RBL1: variants seen among roughly 807,000 people sequenced by gnomAD.
RBL1 encodes the protein retinoblastoma-like protein 1.
A neutral mutation model predicts 123.0 loss-of-function variants in RBL1; 82 were observed. The ratio of observed to expected loss-of-function variants is 0.67; its 90% confidence interval spans 0.56 to 0.80. RBL1 has a LOEUF of 0.80. Among genes scored for constraint, RBL1 ranks in the 30% least tolerant of loss-of-function variants. RBL1 has a pLI of 0.00. For synonymous variants in RBL1, 405 were observed against 441.3 expected, an observed-to-expected ratio of 0.92 and a Z score of 1.03; for missense variants, 1,171 against 1,299.6, an observed-to-expected ratio of 0.90 and a Z score of 1.52.
chr20:37,054,728 G>A (rs1222025503), intron 11 of RBL1, among the ~76,000 whole-genome samples: 1 of 151,604 alleles, frequency 6.6e-6, no homozygotes, highest in Non-Finnish European at 1.5e-5. Context: ...TACTCAAGAG[G>A]CTGAGGCATA....
At chr20:37,060,716 GA>G (rs2065079870) in intron 9 of RBL1, among the ~76,000 whole-genome samples, 1 of 151,926 alleles carries the variant, frequency 6.6e-6, no homozygotes, top group South Asian at 2.1e-4. Context: ...CCAGGAGGTG[GA>G]GGCTGCAGTG....
Position 37,068,100 on chromosome 20 carries a change from T to C in RBL1, c.377A>G (p.Glu126Gly), listed in dbSNP as rs1011827547. Reference protein sequence around the residue: ...QEFRERIERLERNFEVSTVIF... With the variant: ...QEFRERIERLGRNFEVSTVIF... ...TACAGTAGACACCTCAAAATTTCTC[T>C]CTAGCCTTTCTATACGTTCACGAAA... is the stretch of plus-strand genomic sequence containing the variant. The change falls in exon 3 of 22, where the codon GAG becomes GGG. Residue 126 changes from glutamate to glycine, a missense_variant. Coordinates refer to ENST00000373664, the MANE Select transcript of RBL1 (RefSeq NM_002895.5). 3 of 1,613,714 alleles carry C rather than the reference T, an allele frequency of 1.9e-6. No homozygotes were observed. The highest frequency in any genetic ancestry group is 2.5e-6 in the Non-Finnish European group (3 of 1,179,922).
chr20:37,052,457 G>A (rs747118711), intron 11 of RBL1, among the ~76,000 whole-genome samples: 64 of 152,130 alleles, frequency 4.2e-4, no homozygotes, highest in Non-Finnish European at 6.2e-4. Context: ...TCAGCCTCCC[G>A]AGTAGCTGGG....
chr20:37,067,388 A>C, intron 3 of RBL1, 91 bp from the exon 4 acceptor site: 1 of 975,040 alleles, frequency 1.0e-6, no homozygotes, highest in Admixed American at 3.1e-5. Flanking sequence ...AATAGATCAA[A>C]TTACACATGA....
At chr20:37,005,848 G>C (rs1600443444) in intron 20 of RBL1, among the ~76,000 whole-genome samples, 1 of 151,340 alleles carries the variant, frequency 6.6e-6, no homozygotes, top group African/African-American at 2.4e-5. Flanking sequence ...TTGGCTGTCC[G>C]GCTGCAGCTT....
rs2065603043 is a variant in RBL1, at chr20:37,089,040, A to G, written c.239T>C (p.Met80Thr). The change falls in exon 2 of 22, where the codon ATG becomes ACG. Residue 80 changes from methionine (M) to threonine (T), a missense_variant. By Grantham distance (81) the Met-to-Thr change is moderately conservative. Coordinates refer to ENST00000373664, the MANE Select transcript of RBL1 (RefSeq NM_002895.5). The stretch of plus-strand genomic sequence containing the variant: ...GGTAAGTGAAACACAGTTGCCTTCC[A>G]TGATACCCTTTCCAACCGTGGGAAT... ...SIIPTVGKGI[M>T]EGNCVSLTRI... 6.2e-7 allele frequency: 1 copy of G among 1,612,960 alleles called. No individual in the cohort carries two copies. The highest frequency in any genetic ancestry group is 8.5e-7 in the Non-Finnish European group (1 of 1,179,386).
chr20:37,040,008 C>G, intron 14 of RBL1, 145 bp downstream of exon 14: 1 of 985,204 alleles, frequency 1.0e-6, no homozygotes, highest in Non-Finnish European at 1.5e-6. Flanking sequence ...CACAGGGGTG[C>G]TGGCACAAGC....
At chr20:37,093,253 C>G (rs1387489130) in intron 1 of RBL1, among the ~76,000 whole-genome samples, 1 of 151,796 alleles carries the variant, frequency 6.6e-6, no homozygotes, top group Non-Finnish European at 1.5e-5. Flanking sequence ...AATGACTACT[C>G]CAAATACCTT....
intron 7 of RBL1, among the ~76,000 whole-genome samples, 164 bp from the exon 8 acceptor site, chr20:37,062,434 A>AT (rs2065111349): frequency 6.6e-6 from 1 of 152,184 alleles, no homozygotes; most frequent in Non-Finnish European, 1.5e-5. Flanking sequence ...GATTATGGAC[A>AT]TTCTTCAAAT....
At chr20:37,034,036 T>C (rs377551147) in intron 15 of RBL1, among the ~76,000 whole-genome samples, 21 of 151,688 alleles carry the variant, frequency 1.4e-4, no homozygotes, top group Admixed American at 3.3e-4. Flanking sequence ...ATTCCTGGGC[T>C]CAAGTGATTC....
chr20:37,089,004 C>T lies in RBL1; in HGVS notation c.275G>A (p.Arg92His), dbSNP rs770504413. The T allele has an allele frequency of 3.1e-6, 5 of 1,595,502 alleles. No homozygotes were observed. The highest frequency in any genetic ancestry group is 4.3e-6 in the Non-Finnish European group (5 of 1,170,428). ...AGAGGTTTACCTTAATTTAGCTGAA[C>T]GTAGTATTCTGGTAAGTGAAACACA... ...GNCVSLTRIL[R>H]SAKLSLIQFF... The change falls in exon 2 of 22, where the codon CGT becomes CAT. Residue 92 changes from arginine to histidine, a missense_variant. By Grantham distance (29) the Arg-to-His change is conservative. Coordinates refer to ENST00000373664, the MANE Select transcript of RBL1 (RefSeq NM_002895.5).
At chr20:37,091,560 G>A (rs2065646958) in intron 1 of RBL1, among the ~76,000 whole-genome samples, 1 of 151,780 alleles carries the variant, frequency 6.6e-6, no homozygotes, top group East Asian at 1.9e-4. Flanking sequence ...GAGCTACCTG[G>A]GGAACTGAGA....
At chr20:37,002,836 G>A (rs1259985064) in intron 21 of RBL1, among the ~76,000 whole-genome samples, 1 of 151,634 alleles carries the variant, frequency 6.6e-6, no homozygotes, top group Non-Finnish European at 1.5e-5. Context: ...TCCTGCCTCA[G>A]CCTCCACAGC....
chr20:37,001,176 C>T (rs2063973107), intron 21 of RBL1, among the ~76,000 whole-genome samples: 2 of 148,604 alleles, frequency 1.3e-5, no homozygotes, highest in Admixed American at 1.3e-4. Context: ...GTGAGGGGCG[C>T]CTCTGCCCGG....
intron 18 of RBL1, 81 bp from the exon 19 acceptor site, chr20:37,018,450 A>T: frequency 6.7e-7 from 1 of 1,488,282 alleles, no homozygotes; most frequent in Non-Finnish European, 8.9e-7. Context: ...AGAGCAAAAT[A>T]TCAAACCAAT....
At chr20:37,018,466 A>C in intron 18 of RBL1, 97 bp from the exon 19 acceptor site, 1 of 1,449,116 alleles carries the variant, frequency 6.9e-7, no homozygotes, top group Non-Finnish European at 9.1e-7. Flanking sequence ...CCAATTAAAA[A>C]CTATTTGTCT....
rs1328770134 is a variant in RBL1 at position 37,027,008 on chromosome 20, A to C, written c.2383-4182T>G. On this transcript the variant is annotated intron_variant, in intron 16 of 21. Transcript: ENST00000373664. Reference sequence around the variant, plus strand: ...AGAGTGAGACTCCATCTTAAAAAAAAACAACAAAAAAAAACAACAAAAAAA... The same window carrying C: ...AGAGTGAGACTCCATCTTAAAAAAACACAACAAAAAAAAACAACAAAAAAA... 5.6e-5 allele frequency among the ~76,000 whole-genome samples: 8 copies of C among 141,974 alleles called. No homozygotes were observed. In the South Asian group the frequency reaches 1.1e-3, roughly 20 times the overall value. The allele number at this position is 141,974 out of a possible 152,430, so 93.1% of individuals were successfully genotyped here.
Position 37,044,058 on chromosome 20 carries a change from T to TA in RBL1, c.1770+27dup, listed in dbSNP as rs770341282. 1.6e-5 allele frequency: 22 copies of TA among 1,333,402 alleles called. No homozygotes were observed. In the African/African-American group the frequency reaches 2.3e-4, roughly 14 times the overall value. The allele number at this position is 1,333,402 out of a possible 1,614,324, so 82.6% of individuals were successfully genotyped here. On this transcript the variant is annotated intron_variant, in intron 13 of 21. Transcript: ENST00000373664. ...GTTTTTTTTTTTTTTTTTTTAATGA[T>TA]ACGATTATCAGCCTTGCCCAGACTC...
chr20:37,035,891 G>A (rs1212489383), intron 14 of RBL1, among the ~76,000 whole-genome samples: 1 of 152,168 alleles, frequency 6.6e-6, no homozygotes. Context: ...CAAAAATCAG[G>A]AATTTGGGTC....
Sources: allele counts gnomAD v4.1 joint callset (sites outside exome capture counted in the v4.1 genomes callset), GRCh38; gene constraint gnomAD v4.1.1; transcripts MANE v1.5; gene names NCBI Gene and HGNC (gene_info 2026-07-23, HGNC 2026-07-21).